Variants in VPS13D observed in about 807,000 individuals in gnomAD.
VPS13D encodes intermembrane lipid transfer protein VPS13D.
A neutral mutation model predicts 461.9 loss-of-function variants in VPS13D; 187 were observed. The observed-to-expected ratio is 0.40, with a 90% CI of 0.36 to 0.46. VPS13D has a LOEUF of 0.46. Ranked by LOEUF, VPS13D falls within the 20% of genes least tolerant of loss-of-function variation. The pLI is 0.60. For synonymous variants in VPS13D, 1,951 were observed against 1,986.3 expected, an observed-to-expected ratio of 0.98 and a Z score of 0.47; for missense variants, 4,711 against 5,364.9, an observed-to-expected ratio of 0.88 and a Z score of 3.81.
chr1:12,379,918 G>A (rs1203828192), intron 57 of VPS13D, among the ~76,000 whole-genome samples: 9 of 151,928 alleles, frequency 5.9e-5, no homozygotes, highest in African/African-American at 9.7e-5. Flanking sequence ...ACAGGTGCCC[G>A]CCACCACGCC....
intron 65 of VPS13D, among the ~76,000 whole-genome samples, chr1:12,444,069 T>A (rs1266281966): frequency 6.6e-6 from 1 of 152,152 alleles, no homozygotes; most frequent in Non-Finnish European, 1.5e-5. Flanking sequence ...GGTCTTGAAC[T>A]CCTGACCTCA....
rs773987520 is a variant in VPS13D at position 12,271,045 on chromosome 1, G to A, written c.2024G>A (p.Arg675Lys). The A allele has an allele frequency of 1.2e-6, 2 of 1,614,002 alleles. No individual in the cohort carries two copies. Residue 675 changes from arginine to lysine, a missense_variant, in exon 17 of 70, where the codon AGA (arginine) becomes AAA (lysine). By Grantham distance (26) the Arg-to-Lys change is conservative (BLOSUM62 2). This residue lies in a region of VPS13D where 4,411 missense variants were observed against 4,937.8 expected (regional missense o/e 0.89). Coordinates refer to ENST00000620676, the MANE Select transcript of VPS13D (RefSeq NM_015378.4). ...LELRVAEAAR[R>K]QYNKLKMQTK... ...CTGAGAGTGGCTGAAGCTGCCCGAA[G>A]ACAATATAACAAGCTGAAGATGCAG...
At chr1:12,296,366 AC>A (rs1350653728) in intron 24 of VPS13D, among the ~76,000 whole-genome samples, 2 of 152,258 alleles carry the variant, frequency 1.3e-5, no homozygotes, top group African/African-American at 4.8e-5. Flanking sequence ...AAATGATATT[AC>A]ATTTATGGTC....
At chr1:12,294,131 C>T (rs1388027004) in intron 24 of VPS13D, among the ~76,000 whole-genome samples, 5 of 152,170 alleles carry the variant, frequency 3.3e-5, no homozygotes, top group East Asian at 1.9e-4. Context: ...ATGGTATTTC[C>T]GTTTACAAAG....
chr1:12,231,776 G>T (rs1006884922), intron 1 of VPS13D, among the ~76,000 whole-genome samples: 1 of 152,106 alleles, frequency 6.6e-6, no homozygotes, highest in Non-Finnish European at 1.5e-5. Context: ...ATCGCTTAAG[G>T]TCAGGATTTC....
chr1:12,373,095 G>GGTTTT, intron 54 of VPS13D, among the ~76,000 whole-genome samples: 1 of 37,240 alleles, frequency 2.7e-5, no homozygotes, highest in Admixed American at 3.7e-4. Flanking sequence ...GTCTGGCTTG[G>GGTTTT]TTTTTTTTTT....
At chr1:12,343,115 G>A in intron 42 of VPS13D, 64 bp downstream of exon 42, 1 of 1,406,902 alleles carries the variant, frequency 7.1e-7, no homozygotes, top group Non-Finnish European at 9.6e-7. Context: ...GGTCCCTAGT[G>A]TTTTGTCTTT....
At chr1:12,244,926 T>C (rs973497726) in intron 5 of VPS13D, among the ~76,000 whole-genome samples, 3 of 152,244 alleles carry the variant, frequency 2.0e-5, no homozygotes, top group Non-Finnish European at 4.4e-5. Context: ...CAAGGATTTA[T>C]GGCCTAAGAA....
chr1:12,456,572 A>G (rs1645330555), intron 66 of VPS13D, among the ~76,000 whole-genome samples: 1 of 138,270 alleles, frequency 7.2e-6, no homozygotes, highest in Admixed American at 8.0e-5. Flanking sequence ...CTGGAGGCAG[A>G]GGTTGCAATG....
intron 17 of VPS13D, 92 bp from the exon 18 acceptor site, chr1:12,272,911 A>G (rs1020095704): frequency 9.5e-5 from 145 of 1,530,740 alleles, no homozygotes; most frequent in Middle Eastern, 7.0e-4. Flanking sequence ...TCACTCCATA[A>G]TCCTAGCTGC....
chr1:12,318,025 C>T (rs1642935031), intron 30 of VPS13D, 47 bp from the exon 31 acceptor site: 1 of 1,556,398 alleles, frequency 6.4e-7, no homozygotes, highest in Admixed American at 1.8e-5. Flanking sequence ...ATTGAAATAA[C>T]CATGTTTCTT....
chr1:12,342,936 C>G lies in VPS13D; in HGVS notation c.8770C>G (p.Pro2924Ala), dbSNP rs376892410. The change falls in exon 42 of 70, where the codon CCA becomes GCA. Residue 2924 changes from proline to alanine, a missense_variant. Physicochemically the swap from Pro to Ala is conservative, Grantham distance 27. Transcript: ENST00000620676. ...LSHSGSPGVV[P>A]EGNGTFLDDT... is the part of the protein sequence containing the mutation. ...TCACAGTGGGAGTCCAGGGGTAGTT[C>G]CAGAAGGGAACGGAACATTTCTCGA... The G allele has an allele frequency of 3.1e-6, 5 of 1,613,172 alleles. No individual in the cohort carries two copies. Among genetic ancestry groups the G allele is most frequent in the Middle Eastern group, 3.3e-4 (2 of 6,072 alleles).
intron 17 of VPS13D, among the ~76,000 whole-genome samples, chr1:12,272,181 T>C (rs1641462922): frequency 6.6e-6 from 1 of 152,156 alleles, no homozygotes; most frequent in African/African-American, 2.4e-5. Context: ...TGAGACCTTG[T>C]CTCAAGAAAT....
At chr1:12,311,646 TTC>T (rs1345816614) in intron 28 of VPS13D, 21 bp downstream of exon 28, 1 of 1,613,076 alleles carries the variant, frequency 6.2e-7, no homozygotes, top group Non-Finnish European at 8.5e-7. Flanking sequence ...CCTTATGTTC[TTC>T]TGTCACTCTC....
intron 30 of VPS13D, 82 bp downstream of exon 30, chr1:12,314,409 A>C: frequency 7.2e-7 from 1 of 1,396,104 alleles, no homozygotes; most frequent in Non-Finnish European, 9.9e-7. Context: ...TTAGAACATC[A>C]AAAAACCAAG....
chr1:12,323,892 C>A, intron 35 of VPS13D, 112 bp downstream of exon 35: 1 of 1,082,146 alleles, frequency 9.2e-7, no homozygotes, highest in Non-Finnish European at 1.4e-6. Context: ...GTTTGGAGGA[C>A]GCTTTATGTG....
intron 67 of VPS13D, among the ~76,000 whole-genome samples, chr1:12,496,632 A>G (rs72869524): frequency 0.044 from 6,739 of 152,246 alleles, 266 homozygotes; most frequent in Admixed American, 0.11. Flanking sequence ...GACCCAGTGC[A>G]CTCTTATCAG....
chr1:12,356,823 T>C (rs1446152958), intron 49 of VPS13D, among the ~76,000 whole-genome samples: 1 of 152,242 alleles, frequency 6.6e-6, no homozygotes, highest in Non-Finnish European at 1.5e-5. Context: ...TCTCCTTCTC[T>C]GCTCTGCAGT....
intron 17 of VPS13D, among the ~76,000 whole-genome samples, chr1:12,272,633 G>A (rs1176787394): frequency 6.6e-6 from 1 of 152,144 alleles, no homozygotes; most frequent in African/African-American, 2.4e-5. Flanking sequence ...TGGCATGGAA[G>A]TTCATGGTTA....
Sources: allele counts gnomAD v4.1 joint callset (sites outside exome capture counted in the v4.1 genomes callset), GRCh38; gene constraint gnomAD v4.1.1; regional missense constraint gnomAD v4.1.1; transcripts MANE v1.5; gene names NCBI Gene and HGNC (gene_info 2026-07-23, HGNC 2026-07-21).